PHTF2: variants seen among roughly 807,000 people sequenced by gnomAD.
The protein encoded by PHTF2 is protein PHTF2.
Under a neutral mutation model 101.2 loss-of-function variants are expected in PHTF2, and 60 were observed. That is an observed-to-expected ratio of 0.59 (90% confidence interval 0.48 to 0.73). The LOEUF (loss-of-function observed/expected upper bound fraction) is 0.73, where lower values mean the gene tolerates loss of function less well. Ranked by LOEUF, PHTF2 falls within the 30% of genes least tolerant of loss-of-function variation. PHTF2 has a pLI of 0.00. For synonymous variants in PHTF2, 311 were observed against 307.3 expected (o/e 1.01, Z -0.13); for missense variants, 747 against 908.7 (o/e 0.82, Z 2.29).
intron 7 of PHTF2, among the ~76,000 whole-genome samples, chr7:77,908,233 G>A (rs569695235): frequency 1.3e-5 from 2 of 152,314 alleles, no homozygotes; most frequent in South Asian, 2.1e-4. Context: ...AAGGTAAAGA[G>A]AGTTTATGTC....
chr7:77,814,361 T>C (rs1584370601), intron 1 of PHTF2, among the ~76,000 whole-genome samples: 1 of 152,294 alleles, frequency 6.6e-6, no homozygotes, highest in East Asian at 1.9e-4. Context: ...AATTTTATTG[T>C]TTATTTTGTT....
intron 1 of PHTF2, among the ~76,000 whole-genome samples, chr7:77,836,983 A>G (rs1795526023): frequency 6.6e-6 from 1 of 152,156 alleles, no homozygotes; most frequent in African/African-American, 2.4e-5. Flanking sequence ...GCAAAAAAAA[A>G]AAAAAAAGAA....
At chr7:77,926,630 A>G (rs1804025733) in intron 11 of PHTF2, among the ~76,000 whole-genome samples, 2 of 152,154 alleles carry the variant, frequency 1.3e-5, no homozygotes, top group South Asian at 4.1e-4. Flanking sequence ...ATTTAGATTT[A>G]CAATCTATTT....
At chr7:77,893,269 C>G (rs1800595544) in intron 3 of PHTF2, among the ~76,000 whole-genome samples, 1 of 151,988 alleles carries the variant, frequency 6.6e-6, no homozygotes, top group African/African-American at 2.4e-5. Context: ...CCTCCTCCCT[C>G]AAGTAGGCCC....
At chr7:77,800,657 A>ATTT (rs1792464888) in intron 1 of PHTF2, among the ~76,000 whole-genome samples, 1 of 152,242 alleles carries the variant, frequency 6.6e-6, no homozygotes, top group African/African-American at 2.4e-5. Context: ...TGGCTGGTCC[A>ATTT]TTTAATGCAA....
At chr7:77,940,187 G>A (rs1805522425) in exon 14 of PHTF2, 1 of 1,613,714 alleles carries the variant, frequency 6.2e-7, no homozygotes. Context: ...ATTGCATTTG[G>A]TTCTAATGAA....
intron 1 of PHTF2, among the ~76,000 whole-genome samples, chr7:77,839,861 C>T (rs1795736600): frequency 6.6e-6 from 1 of 152,090 alleles, no homozygotes; most frequent in South Asian, 2.1e-4. Flanking sequence ...TTTTTAGAAA[C>T]AAACTACATT....
intron 17 of PHTF2, among the ~76,000 whole-genome samples, chr7:77,950,303 A>G (rs1806430042): frequency 6.6e-6 from 1 of 152,216 alleles, no homozygotes; most frequent in Admixed American, 6.5e-5. Context: ...TTAAACAATC[A>G]ATAAACCTGT....
intron 18 of PHTF2, among the ~76,000 whole-genome samples, chr7:77,953,100 G>A (rs1467016047): frequency 6.6e-6 from 1 of 152,150 alleles, no homozygotes; most frequent in African/African-American, 2.4e-5. Flanking sequence ...GATGTGTCAT[G>A]TTCTCATGTG....
chr7:77,900,403 G>A (rs1270871389), intron 5 of PHTF2, among the ~76,000 whole-genome samples: 1 of 152,118 alleles, frequency 6.6e-6, no homozygotes, highest in Non-Finnish European at 1.5e-5. Context: ...GGCCAATATA[G>A]TTCCCTCTAC....
chr7:77,825,761 C>T (rs143217078), intron 1 of PHTF2, among the ~76,000 whole-genome samples: 39 of 152,252 alleles, frequency 2.6e-4, no homozygotes, highest in African/African-American at 9.4e-4. Flanking sequence ...CGAGCAGAAT[C>T]TTGGATATCA....
chr7:77,924,291 G>GA, intron 11 of PHTF2: 2 of 269,130 alleles, frequency 7.4e-6, no homozygotes, highest in Non-Finnish European at 1.1e-5. Context: ...AGTGAGGCAT[G>GA]AAAAAATCAT....
chr7:77,950,898 A>G (rs952776515), intron 17 of PHTF2, among the ~76,000 whole-genome samples: 2 of 152,190 alleles, frequency 1.3e-5, no homozygotes, highest in African/African-American at 2.4e-5. Context: ...TAGATATATC[A>G]TGTTAGTCTC....
chr7:77,942,177 G>A (rs920863922), intron 15 of PHTF2, among the ~76,000 whole-genome samples: 1 of 152,140 alleles, frequency 6.6e-6, no homozygotes, highest in Non-Finnish European at 1.5e-5. Context: ...GATCTTCACA[G>A]GCCCGCACTC....
chr7:77,900,584 T>C, intron 5 of PHTF2, 127 bp from the exon 5 acceptor site: 1 of 661,966 alleles, frequency 1.5e-6, no homozygotes, highest in Non-Finnish European at 2.7e-6. Context: ...AACAAATGCA[T>C]AATGTGTTAC....
chr7:77,950,808 A>G (rs1235867212), intron 17 of PHTF2, among the ~76,000 whole-genome samples: 1 of 152,156 alleles, frequency 6.6e-6, no homozygotes, highest in Non-Finnish European at 1.5e-5. Context: ...TTTGGTTTAC[A>G]CACGGTTTTG....
chr7:77,931,526 A>G (rs1454531872), intron 12 of PHTF2, among the ~76,000 whole-genome samples: 1 of 152,230 alleles, frequency 6.6e-6, no homozygotes, highest in African/African-American at 2.4e-5. Context: ...ACAATTAGAT[A>G]CTACTTAATA....
intron 6 of PHTF2, 38 bp from the exon 6 acceptor site, chr7:77,901,724 T>C (rs1033345867): frequency 9.1e-6 from 11 of 1,202,842 alleles, no homozygotes; most frequent in Non-Finnish European, 1.1e-5. Flanking sequence ...AAGAATAATA[T>C]ATAAATATAC....
intron 1 of PHTF2, among the ~76,000 whole-genome samples, chr7:77,835,037 C>T (rs1795343039): frequency 1.3e-5 from 2 of 152,056 alleles, no homozygotes; most frequent in Admixed American, 6.6e-5. Flanking sequence ...CTTTTGGAGG[C>T]CGAGGCGGGC....
Sources: gnomAD v4.1 joint callset for allele counts (sites outside exome capture counted in the v4.1 genomes callset) on GRCh38, gnomAD v4.1.1 for gene constraint, MANE v1.5 for transcripts, NCBI Gene and HGNC (gene_info 2026-07-23, HGNC 2026-07-21) for gene names.